Variants in PAWR observed in about 807,000 individuals in gnomAD.
PAWR encodes PRKC apoptosis WT1 regulator protein.
In PAWR, 23 loss-of-function variants were observed where a neutral mutation model predicts 32.0. That is an observed-to-expected ratio of 0.72 (90% confidence interval 0.52 to 1.02). The LOEUF (loss-of-function observed/expected upper bound fraction) is 1.02, where lower values mean the gene tolerates loss of function less well. Ranked by LOEUF, PAWR falls within the 50% of genes least tolerant of loss-of-function variation. The pLI is 0.00. For synonymous variants in PAWR, 226 were observed against 187.1 expected, an observed-to-expected ratio of 1.21 and a Z score of -1.70; for missense variants, 457 against 437.7, an observed-to-expected ratio of 1.04 and a Z score of -0.39.
At chr12:79,610,819 G>T (rs557149749) in intron 4 of PAWR, among the ~76,000 whole-genome samples, 49 of 146,268 alleles carry the variant, frequency 3.4e-4, no homozygotes, top group African/African-American at 1.2e-3. Flanking sequence ...CCCACAAATT[G>T]GTAACACTGA....
At chr12:79,645,831 C>T (rs1027081031) in intron 2 of PAWR, among the ~76,000 whole-genome samples, 2 of 152,178 alleles carry the variant, frequency 1.3e-5, no homozygotes, top group Non-Finnish European at 2.9e-5. Flanking sequence ...ATTGGGCCAG[C>T]TCACGGTGAT....
chr12:79,610,615 A>G (rs547733971), intron 4 of PAWR, among the ~76,000 whole-genome samples: 99 of 152,212 alleles, frequency 6.5e-4, no homozygotes, highest in African/African-American at 2.0e-3. Flanking sequence ...CTCATGTTAC[A>G]TTAGGTGAGG....
chr12:79,659,845 T>A (rs1463980189), intron 2 of PAWR, among the ~76,000 whole-genome samples: 1 of 152,166 alleles, frequency 6.6e-6, no homozygotes, highest in Non-Finnish European at 1.5e-5. Flanking sequence ...AAAGGAAATA[T>A]TTGGATTTAA....
In PAWR at chr12:79,588,743, T is replaced by C. The variant is rs775004552; in HGVS notation, c.*3864A>G. 6.6e-6 allele frequency: 1 copy of C among 152,022 alleles called. No homozygotes were observed. Among genetic ancestry groups the C allele is most frequent in the Non-Finnish European group, 1.5e-5 (1 of 67,910 alleles). The allele number at this position is 152,022 out of a possible 1,614,324, so 9.4% of individuals were successfully genotyped here. A position where few individuals can be genotyped will look rare whatever the true frequency, so the allele number is the denominator to read the frequency against. On this transcript the variant is annotated 3_prime_UTR_variant, in exon 7 of 7. Transcript: ENST00000328827. ...ATACTATATTCCTCTCACATAGACA[T>C]AGTTATTTTTAGTGGGGATAAGGAT...
chr12:79,652,267 C>T (rs1453741199), intron 2 of PAWR, among the ~76,000 whole-genome samples: 1 of 151,962 alleles, frequency 6.6e-6, no homozygotes, highest in Non-Finnish European at 1.5e-5. Flanking sequence ...TATATGTTAC[C>T]ACATTAATAA....
rs1251556383 is a variant in PAWR at position 79,596,566 on chromosome 12, G to A, written c.776C>T (p.Ser259Leu). 7 of 1,597,874 alleles carry A rather than the reference G, an allele frequency of 4.4e-6. No homozygotes were observed. The highest frequency in any genetic ancestry group is 6.0e-6 in the Non-Finnish European group (7 of 1,167,316). Residue 259 changes from serine to leucine, a missense_variant, in exon 5 of 7, where the codon TCA becomes TTA. Ser to Leu is a moderately radical substitution (Grantham distance 145, BLOSUM62 -2). Coordinates refer to ENST00000328827, the MANE Select transcript of PAWR (RefSeq NM_002583.4). The stretch of plus-strand genomic sequence containing the variant: ...TGTGCTACTTGAAACCAGAGTACCT[G>A]AAACATTTGCATCCCTGTTATATCT... Reference protein sequence around the residue: ...FPRYNRDANVSGTLVSSSTLE... With the variant: ...FPRYNRDANVLGTLVSSSTLE...
intron 2 of PAWR, among the ~76,000 whole-genome samples, chr12:79,676,826 T>C (rs1235846506): frequency 1.3e-5 from 2 of 152,288 alleles, no homozygotes; most frequent in East Asian, 3.9e-4. Context: ...GAAATAGAAC[T>C]CTCCTCTTCA....
At chr12:79,604,711 T>C in intron 4 of PAWR, 1 of 1,287,144 alleles carries the variant, frequency 7.8e-7, no homozygotes, top group South Asian at 1.2e-5. Context: ...GTGTAGGGTT[T>C]ATCTCTCTTC....
At chr12:79,621,904 ACACAT>A (rs1875037668) in intron 2 of PAWR, among the ~76,000 whole-genome samples, 1 of 152,196 alleles carries the variant, frequency 6.6e-6, no homozygotes, top group Admixed American at 6.5e-5. Flanking sequence ...TATCCATTAT[ACACAT>A]CATGGGCTGG....
Position 79,591,550 on chromosome 12 carries a change from A to C in PAWR, c.*1057T>G, listed in dbSNP as rs1429389819. On this transcript the variant is annotated 3_prime_UTR_variant, in exon 7 of 7. Coordinates refer to ENST00000328827, the MANE Select transcript of PAWR (RefSeq NM_002583.4). Reference sequence around the variant, plus strand: ...AATAGAAGAAAAAATCTGTATAATTATTTAGAAGTAACTCTGTTTTTAAAA... The same window carrying C: ...AATAGAAGAAAAAATCTGTATAATTCTTTAGAAGTAACTCTGTTTTTAAAA... 1 of 152,160 alleles carries C rather than the reference A, an allele frequency of 6.6e-6. No individual in the cohort carries two copies. The highest frequency in any genetic ancestry group is 1.9e-4 in the East Asian group (1 of 5,198). 9.4% of individuals were successfully genotyped at this position (152,160 alleles called of 1,614,324 possible).
intron 2 of PAWR, among the ~76,000 whole-genome samples, chr12:79,680,524 C>A (rs1408284984): frequency 1.3e-5 from 2 of 152,096 alleles, no homozygotes; most frequent in Non-Finnish European, 2.9e-5. Context: ...TTTTTAAATG[C>A]CATTGACAAA....
chr12:79,674,691 A>T (rs186318548), intron 2 of PAWR, among the ~76,000 whole-genome samples: 2 of 152,096 alleles, frequency 1.3e-5, no homozygotes, highest in Non-Finnish European at 2.9e-5. Flanking sequence ...ATCTACAGGG[A>T]CCTTAAGCAA....
chr12:79,629,213 T>C (rs1875488922), intron 2 of PAWR, among the ~76,000 whole-genome samples: 1 of 151,944 alleles, frequency 6.6e-6, no homozygotes, highest in Admixed American at 6.6e-5. Flanking sequence ...GAAGTTATAA[T>C]AATAAAAGCA....
At chr12:79,619,939 C>T (rs992741275) in intron 3 of PAWR, among the ~76,000 whole-genome samples, 16 of 152,172 alleles carry the variant, frequency 1.1e-4, no homozygotes, top group Non-Finnish European at 2.4e-4. Context: ...ACAGTCTTTA[C>T]AGGTACAGTG....
rs913980438 is a variant in PAWR at position 79,587,688 on chromosome 12, A to G, written c.*4919T>C. On this transcript the variant is annotated 3_prime_UTR_variant, in exon 7 of 7. Transcript: ENST00000328827. ...TTAAAGTGCTGCATATGGTTTCTGT[A>G]AGAGGTACATAATTAGATTACCAGC... 1 of 151,996 alleles carries G rather than the reference A, an allele frequency of 6.6e-6. No homozygotes were observed. The highest frequency in any genetic ancestry group is 1.9e-4 in the East Asian group (1 of 5,198). The allele number at this position is 151,996 out of a possible 1,614,324, so 9.4% of individuals were successfully genotyped here. A position where few individuals can be genotyped will look rare whatever the true frequency, so the allele number is the denominator to read the frequency against.
At chr12:79,665,776 G>A (rs1206059885) in intron 2 of PAWR, among the ~76,000 whole-genome samples, 1 of 152,082 alleles carries the variant, frequency 6.6e-6, no homozygotes, top group African/African-American at 2.4e-5. Context: ...CCTCAAGAGC[G>A]CTCAAGTTTT....
At chr12:79,604,310 CAAAGATA>C in intron 4 of PAWR, 1 of 1,000,906 alleles carries the variant, frequency 1.0e-6, no homozygotes, top group South Asian at 4.3e-5. Context: ...ACAGTATCAT[CAAAGATA>C]AATGCCACCC....
At chr12:79,654,579 A>G (rs1358060631) in intron 2 of PAWR, among the ~76,000 whole-genome samples, 1 of 152,178 alleles carries the variant, frequency 6.6e-6, no homozygotes, top group African/African-American at 2.4e-5. Context: ...CCGTTTTCAC[A>G]CTGCTACAAA....
chr12:79,667,416 G>C (rs541762228), intron 2 of PAWR, among the ~76,000 whole-genome samples: 4 of 152,288 alleles, frequency 2.6e-5, no homozygotes, highest in Non-Finnish European at 4.4e-5. Flanking sequence ...ATAGGAAATA[G>C]TTTACAAGAT....
Sources: allele counts gnomAD v4.1 joint callset (sites outside exome capture counted in the v4.1 genomes callset), GRCh38; gene constraint gnomAD v4.1.1; transcripts MANE v1.5; gene names NCBI Gene and HGNC (gene_info 2026-07-23, HGNC 2026-07-21).